Variants in CADPS observed in about 807,000 individuals in gnomAD.
CADPS encodes calcium dependent secretion activator.
CADPS carries 57 observed loss-of-function variants against 167.3 expected under a neutral mutation model. That is an observed-to-expected ratio of 0.34 (90% CI 0.28 to 0.42). The LOEUF is 0.42. CADPS is among the 20% of genes least tolerant of loss of function. CADPS has a pLI of 1.00. For missense variants in CADPS, 1,414 were observed against 1,738.1 expected (o/e 0.81, Z 3.32); for synonymous variants, 676 against 635.3 (o/e 1.06, Z -0.96).
chr3:62,499,305 G>A lies in CADPS; in HGVS notation c.2600-37C>T, dbSNP rs778838255. 3 of 1,354,814 alleles carry A rather than the reference G, an allele frequency of 2.2e-6. No individual in the cohort carries two copies. The South Asian group carries it at 3.5e-5, about 16-fold the overall frequency. The allele number at this position is 1,354,814 out of a possible 1,614,324, so 83.9% of individuals were successfully genotyped here. On this transcript the variant is annotated intron_variant, in intron 17 of 29. Coordinates refer to ENST00000383710, the MANE Select transcript of CADPS (RefSeq NM_003716.4). ...GAGTTTGTGTTAAAATTCAGCGAAAGTGGCAGGCTACTTTTATGGCCATTA... is the reference window on the plus strand; with the variant it reads ...GAGTTTGTGTTAAAATTCAGCGAAAATGGCAGGCTACTTTTATGGCCATTA...
intron 17 of CADPS, among the ~76,000 whole-genome samples, chr3:62,511,226 G>A (rs1415635969): frequency 1.3e-5 from 2 of 152,092 alleles, no homozygotes; most frequent in Non-Finnish European, 1.5e-5. Context: ...CATTATTATG[G>A]CATAGAAAGA....
At chr3:62,583,475 A>G (rs1393034672) in intron 8 of CADPS, among the ~76,000 whole-genome samples, 2 of 152,168 alleles carry the variant, frequency 1.3e-5, no homozygotes, top group East Asian at 3.9e-4. Context: ...TAATCGAAGA[A>G]AACCTGGTTG....
At chr3:62,729,263 C>G (rs2077303015) in intron 3 of CADPS, among the ~76,000 whole-genome samples, 1 of 151,836 alleles carries the variant, frequency 6.6e-6, no homozygotes, top group Admixed American at 6.6e-5. Context: ...AGCATGATCA[C>G]CCTCATAATG....
chr3:62,606,697 G>A lies in CADPS; in HGVS notation c.1326-13949C>T, dbSNP rs571504177. Among the ~76,000 whole-genome samples, 17 of 152,272 alleles carry A rather than the reference G, an allele frequency of 1.1e-4. 1 individual carries two copies. In the South Asian group the frequency reaches 2.5e-3, roughly 22 times the overall value. ...TAAAATTACCCATGTGACTTTCTTCGGCCAACGGGGCATTGGCAAATGTGA... is the reference window on the plus strand; with the variant it reads ...TAAAATTACCCATGTGACTTTCTTCAGCCAACGGGGCATTGGCAAATGTGA... On this transcript the variant is annotated intron_variant, in intron 6 of 29. Coordinates refer to ENST00000383710, the MANE Select transcript of CADPS (RefSeq NM_003716.4).
chr3:62,836,555 C>T (rs988746326), intron 1 of CADPS, among the ~76,000 whole-genome samples: 10 of 151,976 alleles, frequency 6.6e-5, no homozygotes, highest in Admixed American at 2.0e-4. Flanking sequence ...GAAGTTAACC[C>T]GTGTGTGTGT....
chr3:62,456,262 T>C (rs1329365538), intron 26 of CADPS, among the ~76,000 whole-genome samples: 2 of 152,328 alleles, frequency 1.3e-5, no homozygotes, highest in East Asian at 3.9e-4. Flanking sequence ...GTATTATAGT[T>C]ACTTATTATT....
chr3:62,642,165 T>C (rs2067561572), intron 6 of CADPS, among the ~76,000 whole-genome samples: 1 of 148,784 alleles, frequency 6.7e-6, no homozygotes, highest in Non-Finnish European at 1.5e-5. Flanking sequence ...TATGGCACAA[T>C]GTTAGGGTTC....
chr3:62,850,701 G>T (rs1352158429), intron 1 of CADPS, among the ~76,000 whole-genome samples: 12 of 151,788 alleles, frequency 7.9e-5, no homozygotes, highest in Non-Finnish European at 1.8e-4. Context: ...CAACTATGTG[G>T]TCAATTTTGG....
chr3:62,845,204 C>T (rs900460984), intron 1 of CADPS, among the ~76,000 whole-genome samples: 1 of 152,164 alleles, frequency 6.6e-6, no homozygotes, highest in Non-Finnish European at 1.5e-5. Flanking sequence ...TTTTCAGGCT[C>T]TGTCAGAGTC....
intron 3 of CADPS, among the ~76,000 whole-genome samples, chr3:62,683,136 C>G (rs1343677170): frequency 6.6e-6 from 1 of 151,868 alleles, no homozygotes; most frequent in Non-Finnish European, 1.5e-5. Flanking sequence ...TGTGTGGGGT[C>G]TTGTAGATCA....
intron 9 of CADPS, among the ~76,000 whole-genome samples, chr3:62,570,139 A>G (rs143219856): frequency 1.3e-5 from 2 of 152,268 alleles, no homozygotes; most frequent in East Asian, 3.9e-4. Context: ...TACAGATATG[A>G]GAGCCAGAGC....
intron 3 of CADPS, among the ~76,000 whole-genome samples, chr3:62,716,515 T>C (rs1169023504): frequency 6.6e-6 from 1 of 152,230 alleles, no homozygotes; most frequent in Non-Finnish European, 1.5e-5. Context: ...TATCATTTGC[T>C]TGCTACATGG....
chr3:62,550,432 A>G (rs1174957544), intron 10 of CADPS, among the ~76,000 whole-genome samples: 1 of 152,066 alleles, frequency 6.6e-6, no homozygotes, highest in Non-Finnish European at 1.5e-5. Context: ...CAAACAAAAC[A>G]ACAACAAAAA....
intron 11 of CADPS, among the ~76,000 whole-genome samples, chr3:62,541,120 C>T (rs948070384): frequency 1.3e-5 from 2 of 152,116 alleles, no homozygotes; most frequent in East Asian, 3.9e-4. Context: ...GAGATGCATC[C>T]TAATGCTCTT....
In CADPS at chr3:62,465,267, C is replaced by A; in HGVS notation, c.3636+100G>T. Reference sequence around the variant, plus strand: ...ACAATAGTTGACTATAATTAACACACACACCCATCCCAAAACAAAATGACA... The same window carrying A: ...ACAATAGTTGACTATAATTAACACAAACACCCATCCCAAAACAAAATGACA... On this transcript the variant is annotated intron_variant, in intron 26 of 29. Transcript: ENST00000383710. The surrounding 1 kb of genome is among the most constrained non-coding windows in gnomAD (Gnocchi z 4.1). The A allele has an allele frequency of 1.3e-6, 1 of 762,202 alleles. No individual in the cohort carries two copies. 47.2% of individuals were successfully genotyped at this position (762,202 alleles called of 1,614,324 possible). A position where few individuals can be genotyped will look rare whatever the true frequency, so the allele number is the denominator to read the frequency against.
At chr3:62,836,670 G>A (rs958254185) in intron 1 of CADPS, among the ~76,000 whole-genome samples, 1 of 152,136 alleles carries the variant, frequency 6.6e-6, no homozygotes, top group African/African-American at 2.4e-5. Context: ...AGCTGGAGAA[G>A]GTAGATACAG....
intron 6 of CADPS, among the ~76,000 whole-genome samples, chr3:62,607,659 G>A (rs1410394858): frequency 2.0e-5 from 3 of 152,140 alleles, no homozygotes; most frequent in Non-Finnish European, 4.4e-5. Context: ...GAGACCTCCC[G>A]GTTGCCTTTG....
Position 62,642,711 on chromosome 3 carries a change from C to T in CADPS, c.1325+3011G>A, listed in dbSNP as rs1027221500. ...GTCACTTGAGCCCAAGAGTTCGAGA[C>T]CAGCCTCAGCAACATGGTGAAACCC... On this transcript the variant is annotated intron_variant, in intron 6 of 29. Transcript: ENST00000383710. Among the ~76,000 whole-genome samples the T allele has an allele frequency of 2.0e-4, 31 of 152,066 alleles. 1 individual carries two copies. The highest frequency in any genetic ancestry group is 2.0e-3 in the Admixed American group (31 of 15,252).
In CADPS at chr3:62,788,398, C is replaced by A. The variant is rs563026739; in HGVS notation, c.442-22414G>T. Among the ~76,000 whole-genome samples the A allele has an allele frequency of 3.9e-5, 6 of 152,232 alleles. No individual in the cohort carries two copies. The South Asian group carries it at 1.2e-3, about 32-fold the overall frequency. On this transcript the variant is annotated intron_variant, in intron 1 of 29. Transcript: ENST00000383710. ...AGTTAAGAAGAGGTTGAGAAAAGCA[C>A]GCACTTCACCACGAAGTCGGTGACC...
Sources: gnomAD v4.1 joint callset for allele counts (sites outside exome capture counted in the v4.1 genomes callset) on GRCh38, gnomAD v4.1.1 for gene constraint, Gnocchi (gnomAD v3.1) non-coding constraint, MANE v1.5 for transcripts, NCBI Gene and HGNC (gene_info 2026-07-23, HGNC 2026-07-21) for gene names.